Variants in KIF26B observed in about 807,000 individuals in gnomAD.
KIF26B encodes kinesin family member 26B.
In KIF26B, 63 loss-of-function variants were observed where a neutral mutation model predicts 151.2. That is an observed-to-expected ratio of 0.42 (90% CI 0.34 to 0.51). The LOEUF (loss-of-function observed/expected upper bound fraction) is 0.51, where lower values mean the gene tolerates loss of function less well. KIF26B is among the 20% of genes least tolerant of loss of function. The pLI is 0.07. For synonymous variants in KIF26B, 1,357 were observed against 1,262.1 expected (o/e 1.08, Z -1.59); for missense variants, 2,813 against 2,913.6 (o/e 0.97, Z 0.79).
intron 4 of KIF26B, among the ~76,000 whole-genome samples, chr1:245,518,032 C>A (rs763228120): frequency 6.6e-6 from 1 of 151,984 alleles, no homozygotes; most frequent in East Asian, 1.9e-4. Context: ...CCACAACAAT[C>A]GGCTAATTTT....
chr1:245,472,976 C>A (rs900461423), intron 4 of KIF26B, among the ~76,000 whole-genome samples: 2 of 152,234 alleles, frequency 1.3e-5, no homozygotes, highest in Non-Finnish European at 2.9e-5. Context: ...AATCACCAAG[C>A]CTGGTCATTT....
At position 245,698,405 on chromosome 1, in the gene KIF26B, A is replaced by G. The variant is rs2044722801; in HGVS notation, c.6027+97A>G. 8.7e-7 allele frequency: 1 copy of G among 1,155,050 alleles called. No homozygotes were observed. Among genetic ancestry groups the G allele is most frequent in the African/African-American group, 1.5e-5 (1 of 65,534 alleles). The allele number at this position is 1,155,050 out of a possible 1,614,324, so 71.6% of individuals were successfully genotyped here. On this transcript the variant is annotated intron_variant, in intron 13 of 14. Transcript: ENST00000407071. The surrounding 1 kb of genome is among the most constrained non-coding windows in gnomAD (Gnocchi z 4.0). ...CAGGGCCCTGGGGAAGAAAACTCAGACCCGGGCTTCCCAGCGGGCTTCTGG... is the reference window on the plus strand; with the variant it reads ...CAGGGCCCTGGGGAAGAAAACTCAGGCCCGGGCTTCCCAGCGGGCTTCTGG...
At chr1:245,501,892 A>T (rs1660628496) in intron 4 of KIF26B, among the ~76,000 whole-genome samples, 1 of 152,140 alleles carries the variant, frequency 6.6e-6, no homozygotes, top group Admixed American at 6.5e-5. Flanking sequence ...ATATTTTGGT[A>T]CCTACTGCAC....
rs768099890 is a variant in KIF26B at position 245,190,629 on chromosome 1, G to GTTTTTTTTTTTTT, written c.465+33950_465+33951insTTTTTTTTTTTTT. 2.7e-4 allele frequency among the ~76,000 whole-genome samples: 22 copies of GTTTTTTTTTTTTT among 80,090 alleles called. 1 individual carries two copies. Among genetic ancestry groups the GTTTTTTTTTTTTT allele is most frequent in the African/African-American group, 7.2e-4 (17 of 23,720 alleles). The allele number at this position is 80,090 out of a possible 152,430, so 52.5% of individuals were successfully genotyped here. A position where few individuals can be genotyped will look rare whatever the true frequency, so the allele number is the denominator to read the frequency against. On this transcript the variant is annotated intron_variant, in intron 2 of 14. Coordinates refer to ENST00000407071, the MANE Select transcript of KIF26B (RefSeq NM_018012.4). ...CTTTTCCTATAAGTTTTCCCTGAAT[G>GTTTTTTTTTTTTT]TTTTGTTTTGTTTTTTTTTTTTTTT...
intron 2 of KIF26B, among the ~76,000 whole-genome samples, chr1:245,275,283 T>C (rs1385238441): frequency 6.6e-6 from 1 of 152,178 alleles, no homozygotes; most frequent in Non-Finnish European, 1.5e-5. Context: ...GTAGGTTGCC[T>C]TTTCACTCTG....
intron 3 of KIF26B, among the ~76,000 whole-genome samples, chr1:245,411,548 C>A (rs1069231): frequency 2.6e-5 from 4 of 151,984 alleles, no homozygotes; most frequent in South Asian, 4.1e-4. Context: ...TTCACCTCGC[C>A]GGGGGAGTGG....
At chr1:245,328,123 G>GGCTGA (rs574814229) in intron 2 of KIF26B, among the ~76,000 whole-genome samples, 65 of 151,646 alleles carry the variant, frequency 4.3e-4, no homozygotes, top group African/African-American at 1.4e-3. Context: ...TGCTTTGCTG[G>GGCTGA]TAGGCTGTGT....
intron 2 of KIF26B, among the ~76,000 whole-genome samples, chr1:245,238,944 T>C (rs1473093757): frequency 6.6e-6 from 1 of 152,228 alleles, no homozygotes; most frequent in Non-Finnish European, 1.5e-5. Flanking sequence ...TTAGTCTCAA[T>C]TTCTACACTT....
intron 4 of KIF26B, among the ~76,000 whole-genome samples, chr1:245,504,335 C>T (rs1417706893): frequency 7.0e-6 from 1 of 143,520 alleles, no homozygotes; most frequent in Admixed American, 7.3e-5. Context: ...TCCTTCCTTC[C>T]CTCCTTCCCT....
rs555563623 is a variant in KIF26B, at chr1:245,602,557, C to T, written c.1351-20C>T. On this transcript the variant is annotated intron_variant, in intron 5 of 14. Transcript: ENST00000407071. The surrounding 1 kb of genome is among the most constrained non-coding windows in gnomAD (Gnocchi z 4.5). ...ACCCAGCTGTCTTCATCCATGCTGT[C>T]GCCCATCTTTTCTTAACAGGTGAAA... 29 of 1,584,512 alleles carry T rather than the reference C, an allele frequency of 1.8e-5. No individual in the cohort carries two copies. In the Admixed American group the frequency reaches 3.1e-4, roughly 17 times the overall value.
intron 2 of KIF26B, among the ~76,000 whole-genome samples, chr1:245,202,644 C>T (rs10802197): frequency 0.52 from 79,157 of 151,518 alleles, 22,282 homozygotes; most frequent in Non-Finnish European, 0.63. Context: ...CCTGTAGTCC[C>T]AGCTACTCAG....
chr1:245,572,111 C>T lies in KIF26B; in HGVS notation c.1351-30466C>T, dbSNP rs550384166. ...GTCCAGATCTCACGACCTCGCTTTG[C>T]AAAGGCTACAAGACCAAGGGCTTGT... On this transcript the variant is annotated intron_variant, in intron 5 of 14. Coordinates refer to ENST00000407071, the MANE Select transcript of KIF26B (RefSeq NM_018012.4). The surrounding 1 kb of genome is among the most constrained non-coding windows in gnomAD (Gnocchi z 4.2). 6.6e-6 allele frequency among the ~76,000 whole-genome samples: 1 copy of T among 152,288 alleles called. No homozygotes were observed. Among genetic ancestry groups the T allele is most frequent in the African/African-American group, 2.4e-5 (1 of 41,564 alleles).
chr1:245,200,444 A>G (rs1669277384), intron 2 of KIF26B, among the ~76,000 whole-genome samples: 1 of 152,240 alleles, frequency 6.6e-6, no homozygotes, highest in African/African-American at 2.4e-5. Context: ...CATTAATGCA[A>G]GGGTTATACA....
intron 4 of KIF26B, among the ~76,000 whole-genome samples, chr1:245,419,952 T>C (rs374707991): frequency 3.0e-3 from 464 of 152,300 alleles, no homozygotes; most frequent in African/African-American, 0.011. Flanking sequence ...TAGGGTGGGC[T>C]GCAGCATCCT....
chr1:245,419,498 C>G (rs1658417491), intron 3 of KIF26B, 81 bp from the exon 4 acceptor site: 1 of 1,381,012 alleles, frequency 7.2e-7, no homozygotes, highest in Non-Finnish European at 9.9e-7. Context: ...GCCTCCCTCC[C>G]CCAAATAGAG....
chr1:245,181,410 T>C (rs1668904425), intron 2 of KIF26B, among the ~76,000 whole-genome samples: 1 of 152,008 alleles, frequency 6.6e-6, no homozygotes, highest in African/African-American at 2.4e-5. Context: ...GCCAATTTAC[T>C]ACAGAGGCTG....
chr1:245,319,511 G>GT (rs34496402), intron 2 of KIF26B, among the ~76,000 whole-genome samples: 401 of 146,732 alleles, frequency 2.7e-3, no homozygotes, highest in Middle Eastern at 0.014. Flanking sequence ...ACTACGCCAA[G>GT]TTTTTTTTTT....
chr1:245,374,078 A>T (rs1673195794), intron 3 of KIF26B, among the ~76,000 whole-genome samples: 1 of 32,596 alleles, frequency 3.1e-5, no homozygotes, highest in Non-Finnish European at 5.5e-5. Context: ...AAAAAAAAAA[A>T]AAAAAAAAAA....
In KIF26B at chr1:245,398,579, G is replaced by A. The variant is rs549809395; in HGVS notation, c.1000-21000G>A. ...GAGGGACCCAAGCTCATAGCCAGTG[G>A]AGGGGTGGGTTGATGAGAGGCGAGC... On this transcript the variant is annotated intron_variant, in intron 3 of 14. Transcript: ENST00000407071. Among the ~76,000 whole-genome samples, 5 of 152,200 alleles carry A rather than the reference G, an allele frequency of 3.3e-5. No individual in the cohort carries two copies. The South Asian group carries it at 1.0e-3, about 32-fold the overall frequency.
Sources: allele counts gnomAD v4.1 joint callset (sites outside exome capture counted in the v4.1 genomes callset), GRCh38; gene constraint gnomAD v4.1.1; non-coding constraint Gnocchi (gnomAD v3.1); transcripts MANE v1.5; gene names NCBI Gene and HGNC (gene_info 2026-07-23, HGNC 2026-07-21).